NFIC: variants seen among roughly 807,000 people sequenced by gnomAD.
NFIC encodes nuclear factor I C.
A neutral mutation model predicts 54.4 loss-of-function variants in NFIC; 12 were observed. That is an observed-to-expected ratio of 0.22 (90% confidence interval 0.14 to 0.36). The LOEUF (loss-of-function observed/expected upper bound fraction) is 0.36. Among genes scored for constraint, NFIC ranks in the 10% least tolerant of loss-of-function variants. The pLI is 1.00. For synonymous variants in NFIC, 322 were observed against 319.2 expected, an observed-to-expected ratio of 1.01 and a Z score of -0.09; for missense variants, 575 against 718.2, an observed-to-expected ratio of 0.80 and a Z score of 2.28.
intron 10 of NFIC, 120 bp downstream of exon 10, chr19:3,456,755 A>G: frequency 1.0e-6 from 1 of 977,888 alleles, no homozygotes. Flanking sequence ...CAGGGGCGCC[A>G]GCCTCCCACA....
intron 2 of NFIC, among the ~76,000 whole-genome samples, chr19:3,385,665 C>T (rs1383286753): frequency 4.6e-5 from 7 of 150,548 alleles, no homozygotes; most frequent in Admixed American, 1.3e-4. Context: ...CTCTGCCTCC[C>T]GGGTTCAAGC....
chr19:3,441,441 TC>T (rs1278448814), intron 6 of NFIC, among the ~76,000 whole-genome samples: 1 of 152,170 alleles, frequency 6.6e-6, no homozygotes, highest in African/African-American at 2.4e-5. Flanking sequence ...GGCCCAAAGG[TC>T]CCACAGCAAA....
At chr19:3,378,457 G>T (rs1189007646) in intron 1 of NFIC, among the ~76,000 whole-genome samples, 1 of 152,160 alleles carries the variant, frequency 6.6e-6, no homozygotes, top group Non-Finnish European at 1.5e-5. Flanking sequence ...AATGGGAGGG[G>T]CCTCCCCACA....
At chr19:3,433,866 G>A (rs2082158611) in intron 4 of NFIC, among the ~76,000 whole-genome samples, 1 of 152,068 alleles carries the variant, frequency 6.6e-6, no homozygotes, top group African/African-American at 2.4e-5. Context: ...GGCCTCCACT[G>A]TCCTGTCCCA....
At chr19:3,365,182 AATGGGT>A (rs2080864999), upstream of NFIC, among the ~76,000 whole-genome samples, 3 of 152,126 alleles carry the variant, frequency 2.0e-5, no homozygotes, top group Non-Finnish European at 4.4e-5. Flanking sequence ...GCCTGAGGAT[AATGGGT>A]GCTGGTATCT....
intron 5 of NFIC, 45 bp from the exon 6 acceptor site, chr19:3,435,038 C>T (rs1334690234): frequency 2.0e-6 from 3 of 1,518,878 alleles, no homozygotes; most frequent in East Asian, 5.0e-5. Context: ...CCCCCCGCCC[C>T]GCGTCTCCCT....
At chr19:3,443,606 G>T (rs79190120) in intron 6 of NFIC, among the ~76,000 whole-genome samples, 115 of 151,994 alleles carry the variant, frequency 7.6e-4, no homozygotes, top group Non-Finnish European at 1.4e-3. Flanking sequence ...CAGGGCAGAG[G>T]ATCATGGGAC....
chr19:3,394,514 T>TCCCC (rs199958298), intron 2 of NFIC, among the ~76,000 whole-genome samples: 1,230 of 24,770 alleles, frequency 0.05, 1 homozygote, highest in Middle Eastern at 0.091. Flanking sequence ...TATGATCTTT[T>TCCCC]CCCCACCCAC....
chr19:3,420,258 C>T (rs1196411981), intron 2 of NFIC, among the ~76,000 whole-genome samples: 1 of 152,044 alleles, frequency 6.6e-6, no homozygotes, highest in Non-Finnish European at 1.5e-5. Flanking sequence ...GAGTTCAAGA[C>T]TGCAGTGAGC....
In NFIC at chr19:3,453,230, C is replaced by T. The variant is rs1023507262; in HGVS notation, c.1270-533C>T. 1.3e-5 allele frequency among the ~76,000 whole-genome samples: 2 copies of T among 151,998 alleles called. No homozygotes were observed. Among genetic ancestry groups the T allele is most frequent in the African/African-American group, 4.8e-5 (2 of 41,374 alleles). On this transcript the variant is annotated intron_variant, in intron 8 of 10. Transcript: ENST00000443272. The surrounding 1 kb of genome is among the most constrained non-coding windows in gnomAD (Gnocchi z 6.7). ...CCCCAGCCTGGGTGACAGAACGAGA[C>T]CCTGTCTCAAAAAGAAAAAAAAGGT...
At position 3,464,118 on chromosome 19, in the gene NFIC, C is replaced by A; in HGVS notation, c.*1349C>A. The stretch of plus-strand genomic sequence containing the variant: ...GCCAGTGCCTTACATTCTGGAGCGA[C>A]CCCCCTCCCTGGTGCCTCCCAGCGA... On this transcript the variant is annotated 3_prime_UTR_variant, in exon 11 of 11. Transcript: ENST00000443272. The A allele has an allele frequency of 2.0e-6, 2 of 985,246 alleles. No homozygotes were observed. Among genetic ancestry groups the A allele is most frequent in the Non-Finnish European group, 2.4e-6 (2 of 829,810 alleles). 61.0% of individuals were successfully genotyped at this position (985,246 alleles called of 1,614,324 possible).
chr19:3,435,601 C>A (rs1298966147), intron 6 of NFIC, among the ~76,000 whole-genome samples: 1 of 152,092 alleles, frequency 6.6e-6, no homozygotes, highest in African/African-American at 2.4e-5. Context: ...CTCTTCCCCT[C>A]TAGAAGGTCC....
At chr19:3,390,195 G>C (rs928103294) in intron 2 of NFIC, among the ~76,000 whole-genome samples, 12 of 152,234 alleles carry the variant, frequency 7.9e-5, no homozygotes, top group African/African-American at 2.7e-4. Flanking sequence ...GGACAGCAGA[G>C]GGGTGAGGGG....
Position 3,467,560 on chromosome 19 carries a change from C to G in NFIC, c.*4791C>G, listed in dbSNP as rs572026842. The G allele has an allele frequency of 6.6e-6, 1 of 151,340 alleles. No homozygotes were observed. The highest frequency in any genetic ancestry group is 2.1e-4 in the South Asian group (1 of 4,784). 9.4% of individuals were successfully genotyped at this position (151,340 alleles called of 1,614,324 possible). Reference sequence around the variant, plus strand: ...GGTCCCCAGGCAGCAGACAATTCCACCTTCCCTGCCCCAGGACCTTGAGAG... The same window carrying G: ...GGTCCCCAGGCAGCAGACAATTCCAGCTTCCCTGCCCCAGGACCTTGAGAG... On this transcript the variant is annotated 3_prime_UTR_variant, in exon 11 of 11. Coordinates refer to ENST00000443272, the MANE Select transcript of NFIC (RefSeq NM_001245002.2).
chr19:3,384,853 C>T (rs887874398), intron 2 of NFIC, among the ~76,000 whole-genome samples: 6 of 152,130 alleles, frequency 3.9e-5, no homozygotes, highest in Non-Finnish European at 7.4e-5. Flanking sequence ...GAGCAGGGGC[C>T]ACCGTGGGGA....
At chr19:3,379,673 C>CTTT (rs370082450) in intron 1 of NFIC, among the ~76,000 whole-genome samples, 1,871 of 102,358 alleles carry the variant, frequency 0.018, 134 homozygotes, top group African/African-American at 0.074. Context: ...TTATTTCTTT[C>CTTT]TTTTTTTTTT....
Position 3,467,749 on chromosome 19 carries a change from T to C in NFIC, c.*4980T>C, listed in dbSNP as rs918222737. 6.6e-5 allele frequency: 4 copies of C among 60,702 alleles called. No individual in the cohort carries two copies. The highest frequency in any genetic ancestry group is 8.3e-4 in the East Asian group (1 of 1,198). The allele number at this position is 60,702 out of a possible 1,614,324, so 3.8% of individuals were successfully genotyped here. ...GGTACTTTGACCTCCAGTGTAGGGC[T>C]ATACTATACATATATATATATATAT... On this transcript the variant is annotated 3_prime_UTR_variant, in exon 11 of 11. Coordinates refer to ENST00000443272, the MANE Select transcript of NFIC (RefSeq NM_001245002.2).
chr19:3,374,651 G>A (rs57125682), intron 1 of NFIC, among the ~76,000 whole-genome samples: 6,685 of 152,252 alleles, frequency 0.044, 390 homozygotes, highest in East Asian at 0.29. Context: ...TGAAGGAGGG[G>A]ACACTAGAGA....
intron 1 of NFIC, among the ~76,000 whole-genome samples, chr19:3,377,951 T>C (rs924737660): frequency 6.6e-6 from 1 of 151,828 alleles, no homozygotes; most frequent in African/African-American, 2.4e-5. Flanking sequence ...TTCGTAAAGA[T>C]AGGGTTTTGC....
Sources: allele counts gnomAD v4.1 joint callset (sites outside exome capture counted in the v4.1 genomes callset), GRCh38; gene constraint gnomAD v4.1.1; non-coding constraint Gnocchi (gnomAD v3.1); transcripts MANE v1.5; gene names NCBI Gene and HGNC (gene_info 2026-07-23, HGNC 2026-07-21).